Variants in TSPAN15 observed in about 807,000 individuals in gnomAD.
The protein encoded by TSPAN15 is tetraspanin 15.
A neutral mutation model predicts 34.5 loss-of-function variants in TSPAN15; 20 were observed. The observed-to-expected ratio is 0.58, with a 90% CI of 0.41 to 0.84. The LOEUF is 0.84. TSPAN15 is among the 40% of genes least tolerant of loss of function. TSPAN15 has a pLI of 0.00. For synonymous variants in TSPAN15, 155 were observed against 153.9 expected (o/e 1.01, Z -0.05); for missense variants, 313 against 386.1 (o/e 0.81, Z 1.59).
chr10:69,495,475 G>T (rs755049197), intron 3 of TSPAN15, 119 bp from the exon 4 acceptor site: 19 of 701,128 alleles, frequency 2.7e-5, no homozygotes, highest in Non-Finnish European at 4.8e-5. Flanking sequence ...CTCCATGCTG[G>T]CTGGGCGCGA....
At chr10:69,498,427 C>T in intron 5 of TSPAN15, 31 bp downstream of exon 5, 2 of 1,569,976 alleles carry the variant, frequency 1.3e-6, no homozygotes, top group Non-Finnish European at 1.8e-6. Context: ...GACTGGGGGG[C>T]TGTCGGGGAC....
the TSPAN15 span, among the ~76,000 whole-genome samples, chr10:69,529,981 G>T: frequency 6.8e-6 from 1 of 147,482 alleles, no homozygotes; most frequent in Non-Finnish European, 1.5e-5. Flanking sequence ...TAGAATAATG[G>T]TCTCAAGCTC....
At chr10:69,493,541 C>T (rs1003287375) in intron 3 of TSPAN15, among the ~76,000 whole-genome samples, 2 of 146,614 alleles carry the variant, frequency 1.4e-5, no homozygotes, top group Non-Finnish European at 3.0e-5. Context: ...GGTGCCATCT[C>T]GGCTCACTGC....
chr10:69,489,195 G>C (rs1372496724), intron 3 of TSPAN15, among the ~76,000 whole-genome samples: 1 of 152,166 alleles, frequency 6.6e-6, no homozygotes, highest in Non-Finnish European at 1.5e-5. Flanking sequence ...CTACTTGCAT[G>C]TCCGTTTATA....
intron 5 of TSPAN15, among the ~76,000 whole-genome samples, chr10:69,502,092 A>G (rs1333266034): frequency 1.3e-5 from 2 of 151,936 alleles, no homozygotes; most frequent in Admixed American, 1.3e-4. Flanking sequence ...GAAAAGGGAG[A>G]CATGGTCTGT....
rs778036670 is a variant in TSPAN15 at position 69,485,094 on chromosome 10, A to C, written c.283-47A>C. The C allele has an allele frequency of 1.9e-6, 3 of 1,572,708 alleles. No individual in the cohort carries two copies. The South Asian group carries it at 3.3e-5, about 17-fold the overall frequency. On this transcript the variant is annotated intron_variant, in intron 2 of 7. Transcript: ENST00000373290. ...ATGGTGCCTCCCCTGTACCCCACACACGCCCACTGCTCCTCTCCAGGTGAG... is the reference window on the plus strand; with the variant it reads ...ATGGTGCCTCCCCTGTACCCCACACCCGCCCACTGCTCCTCTCCAGGTGAG...
chr10:69,518,445 G>T, the TSPAN15 span, among the ~76,000 whole-genome samples: 1 of 152,082 alleles, frequency 6.6e-6, no homozygotes, highest in African/African-American at 2.4e-5. Context: ...TTTTTCTTGA[G>T]ACAGAATCTC....
At position 69,495,582 on chromosome 10, in the gene TSPAN15, C is replaced by T; in HGVS notation, c.358-12C>T. ...GTGGTTCTTTTCCTTTGTAATTTCT[C>T]CTTTTGAATAGACCATTGACTTCCT... On this transcript the variant is annotated splice_polypyrimidine_tract_variant and intron_variant, in intron 3 of 7. Transcript: ENST00000373290. 6.3e-7 allele frequency: 1 copy of T among 1,599,152 alleles called. No homozygotes were observed. Among genetic ancestry groups the T allele is most frequent in the Admixed American group, 1.7e-5 (1 of 59,986 alleles).
chr10:69,500,311 C>T (rs1842178826), intron 5 of TSPAN15, among the ~76,000 whole-genome samples: 1 of 152,122 alleles, frequency 6.6e-6, no homozygotes, highest in Non-Finnish European at 1.5e-5. Context: ...GGGGCCAGGC[C>T]TTCACACTCC....
chr10:69,494,726 G>C, intron 3 of TSPAN15: 2 of 985,422 alleles, frequency 2.0e-6, no homozygotes, highest in South Asian at 9.4e-5. Context: ...GGAATTGTCT[G>C]GCTCTTCAGT....
intron 1 of TSPAN15, among the ~76,000 whole-genome samples, chr10:69,470,087 G>C (rs73269820): frequency 0.062 from 9,456 of 152,214 alleles, 1,013 homozygotes; most frequent in African/African-American, 0.22. Flanking sequence ...TCTCCCCCAG[G>C]CTAGACTATC....
the TSPAN15 span, among the ~76,000 whole-genome samples, chr10:69,539,397 A>AGAG: frequency 1.1e-3 from 97 of 87,124 alleles, 3 homozygotes; most frequent in African/African-American, 2.3e-3. Flanking sequence ...AGGAAGAGGA[A>AGAG]GAAGAGGAAG....
chr10:69,508,546 T>G (rs1283831028), downstream of TSPAN15, among the ~76,000 whole-genome samples: 1 of 151,172 alleles, frequency 6.6e-6, no homozygotes, highest in Non-Finnish European at 1.5e-5. Context: ...ACCCAGTAGT[T>G]AAGTGGTCAG....
chr10:69,515,658 A>G, the TSPAN15 span, among the ~76,000 whole-genome samples: 4 of 152,196 alleles, frequency 2.6e-5, no homozygotes, highest in Non-Finnish European at 5.9e-5. Context: ...GCACCTGGAA[A>G]TATTATGGGG....
chr10:69,455,534 CTTTCTTTCTTTCT>C (rs879805698), intron 1 of TSPAN15, among the ~76,000 whole-genome samples: 5,723 of 145,290 alleles, frequency 0.039, 342 homozygotes, highest in Non-Finnish European at 0.052. Flanking sequence ...CTTTCTTTCT[CTTTCTTTCTTTCT>C]TCTCTCTCTC....
the TSPAN15 span, among the ~76,000 whole-genome samples, chr10:69,538,822 C>T: frequency 6.6e-6 from 1 of 152,228 alleles, no homozygotes; most frequent in African/African-American, 2.4e-5. Context: ...CAAGCTCTGT[C>T]CACAGCTCCC....
At chr10:69,544,476 G>T in the TSPAN15 span, among the ~76,000 whole-genome samples, 1 of 152,168 alleles carries the variant, frequency 6.6e-6, no homozygotes, top group Non-Finnish European at 1.5e-5. Context: ...GAAGAGGATT[G>T]AAAAGGGAAC....
intron 1 of TSPAN15, among the ~76,000 whole-genome samples, chr10:69,478,211 T>C (rs57199734): frequency 0.064 from 9,743 of 152,050 alleles, 1,065 homozygotes; most frequent in African/African-American, 0.22. Context: ...GTGGGCTTGG[T>C]CTGGGGCCAG....
rs1842352966 is a variant in TSPAN15 at position 69,507,285 on chromosome 10, G to A, written c.*307G>A. 9.9e-6 allele frequency: 13 copies of A among 1,308,942 alleles called. No individual in the cohort carries two copies. The highest frequency in any genetic ancestry group is 1.2e-5 in the Non-Finnish European group (12 of 1,022,594). 81.1% of individuals were successfully genotyped at this position (1,308,942 alleles called of 1,614,324 possible). On this transcript the variant is annotated 3_prime_UTR_variant, in exon 8 of 8. Coordinates refer to ENST00000373290, the MANE Select transcript of TSPAN15 (RefSeq NM_012339.5). Reference sequence around the variant, plus strand: ...GGGAGAGCCTGAGGCTCTGCTCAGGGCCCATTTCATCTCTGGCAGTGCCTT... The same window carrying A: ...GGGAGAGCCTGAGGCTCTGCTCAGGACCCATTTCATCTCTGGCAGTGCCTT...
Sources: allele counts gnomAD v4.1 joint callset (sites outside exome capture counted in the v4.1 genomes callset), GRCh38; gene constraint gnomAD v4.1.1; transcripts MANE v1.5; gene names NCBI Gene and HGNC (gene_info 2026-07-23, HGNC 2026-07-21).